FSTL5: variants seen among roughly 807,000 people sequenced by gnomAD.
FSTL5 encodes follistatin-related protein 5.
Under a neutral mutation model 89.1 loss-of-function variants are expected in FSTL5, and 62 were observed. The observed-to-expected ratio is 0.70, with a 90% CI of 0.57 to 0.86. The LOEUF (loss-of-function observed/expected upper bound fraction) is 0.86, where lower values mean the gene tolerates loss of function less well. Among genes scored for constraint, FSTL5 ranks in the 40% least tolerant of loss-of-function variants. FSTL5 has a pLI of 0.00. For missense variants in FSTL5, 1,057 were observed against 1,001.6 expected, an observed-to-expected ratio of 1.06 and a Z score of -0.75; for synonymous variants, 383 against 346.2, an observed-to-expected ratio of 1.11 and a Z score of -1.18.
intron 9 of FSTL5, among the ~76,000 whole-genome samples, chr4:161,540,967 T>C (rs1349467178): frequency 6.6e-6 from 1 of 152,114 alleles, no homozygotes; most frequent in East Asian, 1.9e-4. Context: ...CTCTTACTGT[T>C]ATTTTCTTCA....
intron 2 of FSTL5, among the ~76,000 whole-genome samples, chr4:162,049,590 C>G (rs1738314786): frequency 6.6e-6 from 1 of 152,096 alleles, no homozygotes; most frequent in African/African-American, 2.4e-5. Flanking sequence ...ACCCTGTAGT[C>G]TCTTCCCTTC....
At chr4:162,096,412 T>C (rs1261885552) in intron 2 of FSTL5, among the ~76,000 whole-genome samples, 1 of 151,486 alleles carries the variant, frequency 6.6e-6, no homozygotes, top group African/African-American at 2.4e-5. Context: ...ATTACTTATA[T>C]ATTGTAATAG....
At chr4:162,111,776 A>G (rs2111408478) in intron 1 of FSTL5, among the ~76,000 whole-genome samples, 1 of 152,234 alleles carries the variant, frequency 6.6e-6, no homozygotes, top group South Asian at 2.1e-4. Flanking sequence ...TTAATATATA[A>G]ATATTGAACT....
intron 15 of FSTL5, among the ~76,000 whole-genome samples, chr4:161,429,891 A>G (rs1299293857): frequency 6.6e-6 from 1 of 152,134 alleles, no homozygotes; most frequent in African/African-American, 2.4e-5. Context: ...CCAACAAACT[A>G]AATAAGTCAC....
At chr4:161,905,815 C>A (rs1733506901) in intron 4 of FSTL5, among the ~76,000 whole-genome samples, 1 of 152,124 alleles carries the variant, frequency 6.6e-6, no homozygotes, top group Non-Finnish European at 1.5e-5. Flanking sequence ...AGCCTGGAAG[C>A]TTCTCTGGGC....
At chr4:161,887,989 A>C (rs754179256) in intron 4 of FSTL5, among the ~76,000 whole-genome samples, 6 of 152,130 alleles carry the variant, frequency 3.9e-5, no homozygotes, top group Admixed American at 3.9e-4. Context: ...ACCAAAGTCC[A>C]ACTGGAAGTT....
At chr4:161,964,879 G>A (rs1254508389) in intron 3 of FSTL5, among the ~76,000 whole-genome samples, 1 of 151,846 alleles carries the variant, frequency 6.6e-6, no homozygotes, top group Non-Finnish European at 1.5e-5. Flanking sequence ...TTTTTCCTGA[G>A]CTTCTTGAAA....
intron 13 of FSTL5, among the ~76,000 whole-genome samples, chr4:161,480,442 G>A (rs4073632): frequency 0.17 from 25,192 of 152,140 alleles, 2,481 homozygotes; most frequent in East Asian, 0.38. Flanking sequence ...AAAGAGCATG[G>A]GCTGCAGCAG....
chr4:162,038,706 T>C (rs1466598600), intron 2 of FSTL5, among the ~76,000 whole-genome samples: 2 of 151,892 alleles, frequency 1.3e-5, no homozygotes, highest in Admixed American at 6.6e-5. Context: ...GATGGCTATG[T>C]TATAACGTGA....
intron 3 of FSTL5, among the ~76,000 whole-genome samples, chr4:161,958,711 C>T (rs1735092201): frequency 6.6e-6 from 1 of 152,048 alleles, no homozygotes; most frequent in South Asian, 2.1e-4. Flanking sequence ...TTTTTTCTCC[C>T]ACCACTGATA....
intron 1 of FSTL5, among the ~76,000 whole-genome samples, chr4:162,138,586 G>C (rs1198613513): frequency 6.6e-6 from 1 of 152,012 alleles, no homozygotes; most frequent in Non-Finnish European, 1.5e-5. Context: ...AAAGGAAAAT[G>C]CTTGCTATTA....
chr4:161,502,302 C>A (rs1454018069), intron 11 of FSTL5, among the ~76,000 whole-genome samples: 1 of 151,864 alleles, frequency 6.6e-6, no homozygotes. Context: ...CCACTAAATA[C>A]CACTTAATCC....
At chr4:161,660,808 T>C (rs1026928574) in intron 6 of FSTL5, among the ~76,000 whole-genome samples, 12 of 152,192 alleles carry the variant, frequency 7.9e-5, no homozygotes, top group Non-Finnish European at 1.6e-4. Flanking sequence ...ATGATCTTGT[T>C]CTTTTTTATG....
At chr4:161,467,414 T>C (rs1233067536) in intron 13 of FSTL5, among the ~76,000 whole-genome samples, 7 of 152,102 alleles carry the variant, frequency 4.6e-5, no homozygotes, top group East Asian at 3.8e-4. Flanking sequence ...AAATTGAGAA[T>C]TGATGCTTTA....
chr4:161,664,126 C>T (rs554343119), intron 6 of FSTL5, among the ~76,000 whole-genome samples: 3 of 152,304 alleles, frequency 2.0e-5, no homozygotes, highest in Non-Finnish European at 4.4e-5. Flanking sequence ...ATGGGACGGG[C>T]TGCGGTGAAG....
intron 4 of FSTL5, among the ~76,000 whole-genome samples, chr4:161,783,645 C>CTT (rs1283425558): frequency 1.9e-4 from 3 of 15,604 alleles, no homozygotes; most frequent in African/African-American, 1.8e-4. Context: ...TTCTTTCTTT[C>CTT]TCTCTCTTTC....
intron 6 of FSTL5, among the ~76,000 whole-genome samples, chr4:161,692,255 C>G (rs1167539441): frequency 6.6e-6 from 1 of 151,526 alleles, no homozygotes; most frequent in Admixed American, 6.6e-5. Flanking sequence ...AGCTATCATT[C>G]ATTTTTATTT....
intron 15 of FSTL5, among the ~76,000 whole-genome samples, chr4:161,432,524 G>A (rs1379923604): frequency 1.3e-5 from 2 of 151,788 alleles, no homozygotes; most frequent in Non-Finnish European, 2.9e-5. Context: ...AACTAATGAT[G>A]CATCTTAAAG....
At chr4:161,522,851 T>TA (rs913869536) in intron 10 of FSTL5, among the ~76,000 whole-genome samples, 1 of 151,724 alleles carries the variant, frequency 6.6e-6, no homozygotes. Flanking sequence ...TAAATATAAA[T>TA]AAAAAATATC....
Sources: gnomAD v4.1 joint callset for allele counts (sites outside exome capture counted in the v4.1 genomes callset) on GRCh38, gnomAD v4.1.1 for gene constraint, MANE v1.5 for transcripts, NCBI Gene and HGNC (gene_info 2026-07-23, HGNC 2026-07-21) for gene names.